KDM4C: variants seen among roughly 807,000 people sequenced by gnomAD.
KDM4C encodes lysine demethylase 4C, also known as lysine-specific demethylase 4C.
In KDM4C, 81 loss-of-function variants were observed where a neutral mutation model predicts 129.3. That is an observed-to-expected ratio of 0.63 (90% CI 0.52 to 0.75). The LOEUF (loss-of-function observed/expected upper bound fraction) is 0.75, where lower values mean the gene tolerates loss of function less well. Ranked by LOEUF, KDM4C falls within the 30% of genes least tolerant of loss-of-function variation. The pLI is 0.00. For synonymous variants in KDM4C, 573 were observed against 456.1 expected (o/e 1.26, Z -3.26); for missense variants, 1,457 against 1,304.0 (o/e 1.12, Z -1.81).
At chr9:7,155,326 T>C (rs1351964073) in intron 19 of KDM4C, among the ~76,000 whole-genome samples, 3 of 152,144 alleles carry the variant, frequency 2.0e-5, no homozygotes, top group Admixed American at 6.5e-5. Context: ...GACCTTTTGA[T>C]ATACTTAATT....
At chr9:6,965,288 A>G (rs1415562466) in intron 8 of KDM4C, among the ~76,000 whole-genome samples, 1 of 151,234 alleles carries the variant, frequency 6.6e-6, no homozygotes, top group Non-Finnish European at 1.5e-5. Context: ...TCTCTAATAC[A>G]TGATATATAT....
intron 4 of KDM4C, among the ~76,000 whole-genome samples, chr9:6,848,219 G>A (rs1391433174): frequency 1.3e-5 from 2 of 152,144 alleles, no homozygotes; most frequent in Admixed American, 6.6e-5. Flanking sequence ...TAGTGCATTA[G>A]CACGAAAAGG....
chr9:6,768,356 C>G (rs1401079206), intron 1 of KDM4C, among the ~76,000 whole-genome samples: 1 of 149,268 alleles, frequency 6.7e-6, no homozygotes, highest in Non-Finnish European at 1.5e-5. Context: ...TTTTTTTTAA[C>G]CTGCTGGGCT....
At chr9:6,800,737 C>T (rs560816298) in intron 2 of KDM4C, among the ~76,000 whole-genome samples, 2 of 152,148 alleles carry the variant, frequency 1.3e-5, no homozygotes, top group African/African-American at 4.8e-5. Flanking sequence ...AGCAGTCGCC[C>T]CACCTCAGCC....
intron 4 of KDM4C, among the ~76,000 whole-genome samples, chr9:6,827,196 C>T (rs1834028664): frequency 6.6e-6 from 1 of 152,224 alleles, no homozygotes; most frequent in African/African-American, 2.4e-5. Flanking sequence ...TCAATGTCTG[C>T]CATTCCTAGC....
chr9:7,018,722 C>T (rs1224304518), intron 15 of KDM4C, among the ~76,000 whole-genome samples: 3 of 152,210 alleles, frequency 2.0e-5, no homozygotes, highest in Non-Finnish European at 4.4e-5. Context: ...AGGCCTAGGC[C>T]ACTCACCCTG....
chr9:7,047,567 A>G (rs1829586145), intron 16 of KDM4C, among the ~76,000 whole-genome samples: 2 of 151,824 alleles, frequency 1.3e-5, no homozygotes, highest in Admixed American at 6.6e-5. Flanking sequence ...GGGCCAAAGC[A>G]TATTACAGGG....
intron 4 of KDM4C, among the ~76,000 whole-genome samples, chr9:6,819,236 ATTGACTGTAAAGATGAGG>A (rs1564085407): frequency 6.6e-6 from 1 of 152,236 alleles, no homozygotes; most frequent in Non-Finnish European, 1.5e-5. Context: ...TAGCATAAGC[ATTGACTGTAAAGATGAGG>A]TTGATGGACT....
chr9:6,791,384 G>A (rs551540083), intron 1 of KDM4C, among the ~76,000 whole-genome samples: 24 of 152,312 alleles, frequency 1.6e-4, no homozygotes, highest in Admixed American at 3.9e-4. Flanking sequence ...GGGATTACAG[G>A]TGTGAACTAT....
intron 17 of KDM4C, among the ~76,000 whole-genome samples, chr9:7,061,289 T>C (rs545843044): frequency 6.6e-6 from 1 of 152,346 alleles, no homozygotes; most frequent in African/African-American, 2.4e-5. Flanking sequence ...CTCCTCAAGA[T>C]ATTCAGATAC....
chr9:6,790,429 T>G (rs1422254077), intron 1 of KDM4C, among the ~76,000 whole-genome samples: 5 of 150,682 alleles, frequency 3.3e-5, no homozygotes, highest in African/African-American at 4.9e-5. Context: ...TTTTTTGTAT[T>G]TTTTAGTAGA....
At chr9:6,788,788 G>C (rs572191600) in intron 1 of KDM4C, among the ~76,000 whole-genome samples, 4 of 152,194 alleles carry the variant, frequency 2.6e-5, no homozygotes, top group Admixed American at 2.0e-4. Context: ...GAACGCAGAG[G>C]GGGAGTTGGG....
At chr9:6,763,033 TG>T (rs545142703) in intron 1 of KDM4C, among the ~76,000 whole-genome samples, 484 of 150,126 alleles carry the variant, frequency 3.2e-3, no homozygotes, top group African/African-American at 5.9e-3. Context: ...CTTCCGCTGG[TG>T]GGGGGGGATG....
chr9:7,015,860 T>C lies in KDM4C; in HGVS notation c.2190T>C (p.Tyr730=). 1 of 1,610,254 alleles carries C rather than the reference T, an allele frequency of 6.2e-7. No individual in the cohort carries two copies. The highest frequency in any genetic ancestry group is 1.1e-5 in the South Asian group (1 of 90,934). Residue 730 remains tyrosine, a synonymous_variant, in exon 15 of 22, where the codon TAT becomes TAC. Transcript: ENST00000381309. ...CATACTATTATTTTATAGGTTGTTA[T>C]GGTATTCCTTCTCATGAGATCTGTG... The part of the protein sequence containing the change: ...KCCVRVHASC[Y]GIPSHEICDG...
intron 8 of KDM4C, among the ~76,000 whole-genome samples, chr9:6,974,229 G>T (rs1056944416): frequency 3.3e-5 from 5 of 152,138 alleles, no homozygotes; most frequent in South Asian, 2.1e-4. Flanking sequence ...CTTCGTCATT[G>T]AAAAAGAAAT....
In KDM4C at chr9:7,010,674, C is replaced by T. The variant is rs76636072; in HGVS notation, c.1787-1024C>T. 4.9e-3 allele frequency among the ~76,000 whole-genome samples: 748 copies of T among 152,310 alleles called. 6 individuals carry two copies. The highest frequency in any genetic ancestry group is 0.017 in the African/African-American group (718 of 41,564). On this transcript the variant is annotated intron_variant, in intron 12 of 21. Transcript: ENST00000381309. ...GCTATAGGCATTGAAGAGTATTTTT[C>T]TAACATGTTTGTCTTTCTGTATTTT...
At chr9:6,807,172 A>G (rs1466126738) in intron 3 of KDM4C, among the ~76,000 whole-genome samples, 1 of 152,078 alleles carries the variant, frequency 6.6e-6, no homozygotes, top group Admixed American at 6.5e-5. Context: ...TTGCAGACGG[A>G]GTCTCGTTCA....
intron 15 of KDM4C, among the ~76,000 whole-genome samples, chr9:7,017,020 C>G (rs935750805): frequency 6.6e-6 from 1 of 151,982 alleles, no homozygotes; most frequent in African/African-American, 2.4e-5. Context: ...ACCACAGTCT[C>G]GAACTCCTGG....
At chr9:6,955,431 C>G (rs553883081) in intron 8 of KDM4C, among the ~76,000 whole-genome samples, 2 of 152,306 alleles carry the variant, frequency 1.3e-5, no homozygotes, top group African/African-American at 4.8e-5. Context: ...TGGACCATGA[C>G]TCAGGCCCTG....
Sources: allele counts gnomAD v4.1 joint callset (sites outside exome capture counted in the v4.1 genomes callset), GRCh38; gene constraint gnomAD v4.1.1; transcripts MANE v1.5; gene names NCBI Gene and HGNC (gene_info 2026-07-23, HGNC 2026-07-21).